The following TDRD5 variants were observed in gnomAD, a reference collection of about 807,000 sequenced individuals.
The protein encoded by TDRD5 is tudor domain-containing protein 5.
TDRD5 carries 41 observed loss-of-function variants against 120.6 expected under a neutral mutation model. That is an observed-to-expected ratio of 0.34 (90% CI 0.26 to 0.44). The LOEUF (loss-of-function observed/expected upper bound fraction) is 0.44, where lower values mean the gene tolerates loss of function less well. Among genes scored for constraint, TDRD5 ranks in the 20% least tolerant of loss-of-function variants. The pLI is 1.00. For synonymous variants in TDRD5, 430 were observed against 433.7 expected (o/e 0.99, Z 0.11); for missense variants, 1,006 against 1,221.2 (o/e 0.82, Z 2.63).
At chr1:179,637,305 C>G (rs1677813791) in intron 9 of TDRD5, among the ~76,000 whole-genome samples, 1 of 152,158 alleles carries the variant, frequency 6.6e-6, no homozygotes, top group Non-Finnish European at 1.5e-5. Flanking sequence ...TAAAAGCACA[C>G]TCACTGGCTC....
intron 4 of TDRD5, among the ~76,000 whole-genome samples, chr1:179,601,893 T>A (rs1675733227): frequency 6.6e-6 from 1 of 152,144 alleles, no homozygotes; most frequent in South Asian, 2.1e-4. Context: ...GCAGCCTCCA[T>A]CTCCTGGGTT....
intron 12 of TDRD5, 107 bp downstream of exon 12, chr1:179,651,174 T>C: frequency 2.4e-6 from 3 of 1,230,282 alleles, no homozygotes; most frequent in Non-Finnish European, 1.1e-6. Context: ...TTTAACCAAT[T>C]AGAGACATCC....
chr1:179,677,009 C>T (rs1029930718), intron 17 of TDRD5, among the ~76,000 whole-genome samples: 2 of 152,074 alleles, frequency 1.3e-5, no homozygotes, highest in Non-Finnish European at 2.9e-5. Flanking sequence ...GATGTTTAAC[C>T]TAGTCCCAAA....
chr1:179,678,599 G>T (rs1680261505), intron 17 of TDRD5, among the ~76,000 whole-genome samples: 2 of 152,114 alleles, frequency 1.3e-5, no homozygotes, highest in African/African-American at 2.4e-5. Flanking sequence ...TTCTAGCAAT[G>T]ATATTTTGTA....
intron 17 of TDRD5, among the ~76,000 whole-genome samples, chr1:179,683,699 A>G (rs2147814294): frequency 6.6e-6 from 1 of 152,332 alleles, no homozygotes; most frequent in African/African-American, 2.4e-5. Flanking sequence ...AATGTGGTCT[A>G]CATACTGGTG....
intron 1 of TDRD5, chr1:179,592,379 C>T: frequency 2.1e-6 from 1 of 484,436 alleles, no homozygotes; most frequent in Non-Finnish European, 3.8e-6. Context: ...TCCGCATGGC[C>T]AGGGGCAGAG....
At position 179,690,913 on chromosome 1, in the gene TDRD5, G is replaced by T; in HGVS notation, c.3078G>T (p.Trp1026Cys). ...CTACATCCAGGAGCCTCCTACACTGGTACCCCAGTGTGAAAAGGATGGAAG... is the reference window on the plus strand; with the variant it reads ...CTACATCCAGGAGCCTCCTACACTGTTACCCCAGTGTGAAAAGGATGGAAG... The part of the protein sequence containing the change: ...RLATSRSLLH[W>C]YPSVKRMEA Residue 1026 changes from tryptophan (W) to cysteine (C), a missense_variant, in exon 18 of 18, where the codon TGG becomes TGT. Physicochemically the swap from Trp to Cys is radical, Grantham distance 215 (BLOSUM62 -2). Transcript: ENST00000444136. The T allele has an allele frequency of 6.2e-7, 1 of 1,613,332 alleles. No individual in the cohort carries two copies. The highest frequency in any genetic ancestry group is 1.1e-5 in the South Asian group (1 of 91,006).
chr1:179,648,500 C>G lies in TDRD5; in HGVS notation c.1801-2367C>G, dbSNP rs553114417. On this transcript the variant is annotated intron_variant, in intron 11 of 17. Coordinates refer to ENST00000444136, the MANE Select transcript of TDRD5 (RefSeq NM_001199085.3). ...GGGAGATATACCTAATGCTAGATGA[C>G]GAGTTAGTGGATGCGGCGCACCAGC... is the stretch of plus-strand genomic sequence containing the variant. Among the ~76,000 whole-genome samples, 73 of 136,982 alleles carry G rather than the reference C, an allele frequency of 5.3e-4. No homozygotes were observed. In the East Asian group the frequency reaches 0.016, roughly 30 times the overall value. The allele number at this position is 136,982 out of a possible 152,430, so 89.9% of individuals were successfully genotyped here. A position where few individuals can be genotyped will look rare whatever the true frequency, so the allele number is the denominator to read the frequency against.
At chr1:179,651,819 A>G (rs1353180397) in intron 12 of TDRD5, among the ~76,000 whole-genome samples, 1 of 151,370 alleles carries the variant, frequency 6.6e-6, no homozygotes, top group Admixed American at 6.6e-5. Flanking sequence ...AGGCTGAGGC[A>G]GGAGAATTGC....
intron 6 of TDRD5, among the ~76,000 whole-genome samples, chr1:179,624,846 A>G (rs1031764788): frequency 6.6e-6 from 1 of 152,150 alleles, no homozygotes; most frequent in Admixed American, 6.6e-5. Context: ...AGTCCCCATC[A>G]TAATTCTTGC....
rs1675567259 is a variant in TDRD5 at position 179,599,255 on chromosome 1, G to A, written c.831+3437G>A. Among the ~76,000 whole-genome samples the A allele has an allele frequency of 4.6e-5, 7 of 151,798 alleles. No individual in the cohort carries two copies. In the South Asian group the frequency reaches 1.5e-3, roughly 31 times the overall value. ...ACCTTCAGTTTGCTAATATTTTAAG[G>A]GTTTTGCATTTATGTTTATAAGATA... On this transcript the variant is annotated intron_variant, in intron 4 of 17. Transcript: ENST00000444136.
At chr1:179,636,074 C>A (rs1404370484) in intron 9 of TDRD5, among the ~76,000 whole-genome samples, 187 bp downstream of exon 9, 2 of 151,984 alleles carry the variant, frequency 1.3e-5, no homozygotes, top group South Asian at 2.1e-4. Context: ...ATATAAGTAA[C>A]ATTTTTATGA....
At chr1:179,665,577 A>G (rs1380025017) in intron 16 of TDRD5, among the ~76,000 whole-genome samples, 2 of 152,064 alleles carry the variant, frequency 1.3e-5, no homozygotes, top group Non-Finnish European at 1.5e-5. Context: ...TGGATTCTTA[A>G]TCCTATTCTC....
At position 179,592,963 on chromosome 1, in the gene TDRD5, G is replaced by T. The variant is rs1055160912; in HGVS notation, c.232+116G>T. Reference sequence around the variant, plus strand: ...CCCAGCCAGTGGATTTTAATTTGGTGGGGGAGGGAGACTCATAGGTGCTTT... The same window carrying T: ...CCCAGCCAGTGGATTTTAATTTGGTTGGGGAGGGAGACTCATAGGTGCTTT... On this transcript the variant is annotated intron_variant, in intron 2 of 17. Coordinates refer to ENST00000444136, the MANE Select transcript of TDRD5 (RefSeq NM_001199085.3). The T allele has an allele frequency of 2.8e-6, 3 of 1,083,160 alleles. No homozygotes were observed. The East Asian group carries it at 7.8e-5, about 28-fold the overall frequency. The allele number at this position is 1,083,160 out of a possible 1,614,324, so 67.1% of individuals were successfully genotyped here. A position where few individuals can be genotyped will look rare whatever the true frequency, so the allele number is the denominator to read the frequency against.
chr1:179,607,323 TA>T lies in TDRD5; in HGVS notation c.832-11270del, dbSNP rs1482062420. 3.9e-5 allele frequency among the ~76,000 whole-genome samples: 6 copies of T among 152,252 alleles called. No homozygotes were observed. The South Asian group carries it at 1.2e-3, about 32-fold the overall frequency. Reference sequence around the variant, plus strand: ...ATTGCTAATTAGTTCCAGGAGTTTTTAAAAAATTCTGTCCTATTTTCTACAT... The same window carrying T: ...ATTGCTAATTAGTTCCAGGAGTTTTTAAAAATTCTGTCCTATTTTCTACAT... On this transcript the variant is annotated intron_variant, in intron 4 of 17. Transcript: ENST00000444136.
rs761801110 is a variant in TDRD5 at position 179,593,634 on chromosome 1, A to G, written c.407A>G (p.Lys136Arg). ...GCCCCTATTCTTCCAGCTGTTGTGAAGAGTGAGTTGAAGGACCTGTTGGCG... is the reference window on the plus strand; with the variant it reads ...GCCCCTATTCTTCCAGCTGTTGTGAGGAGTGAGTTGAAGGACCTGTTGGCG... ...RVAPILPAVV[K>R]SELKDLLALS... Residue 136 changes from lysine (K) to arginine (R), a missense_variant, in exon 3 of 18, where the codon AAG becomes AGG. This residue lies in a region of TDRD5 where 445 missense variants were observed against 515.5 expected (regional missense o/e 0.86). Transcript: ENST00000444136. 6.2e-7 allele frequency: 1 copy of G among 1,614,248 alleles called. No homozygotes were observed. Among genetic ancestry groups the G allele is most frequent in the East Asian group, 2.2e-5 (1 of 44,892 alleles).
intron 6 of TDRD5, among the ~76,000 whole-genome samples, chr1:179,630,233 G>A (rs886761166): frequency 6.6e-6 from 1 of 152,168 alleles, no homozygotes; most frequent in East Asian, 1.9e-4. Flanking sequence ...TCCTGATGTC[G>A]TGATCCACCT....
chr1:179,658,714 C>A (rs1293900486), intron 14 of TDRD5, among the ~76,000 whole-genome samples: 1 of 152,094 alleles, frequency 6.6e-6, no homozygotes, highest in Non-Finnish European at 1.5e-5. Flanking sequence ...TATTGAACTT[C>A]CCATTCCTAG....
intron 4 of TDRD5, among the ~76,000 whole-genome samples, chr1:179,617,981 A>T (rs1359869845): frequency 1.3e-5 from 2 of 151,904 alleles, no homozygotes; most frequent in Admixed American, 6.6e-5. Flanking sequence ...TACTTTCTCA[A>T]ATGTCTGACC....
Sources: gnomAD v4.1 joint callset for allele counts (sites outside exome capture counted in the v4.1 genomes callset) on GRCh38, gnomAD v4.1.1 for gene constraint, gnomAD v4.1.1 regional missense constraint, MANE v1.5 for transcripts, NCBI Gene and HGNC (gene_info 2026-07-23, HGNC 2026-07-21) for gene names.